The following DSCAM variants were observed in gnomAD, a reference collection of about 807,000 sequenced individuals.
DSCAM encodes DS cell adhesion molecule.
Under a neutral mutation model 217.7 loss-of-function variants are expected in DSCAM, and 47 were observed. That is an observed-to-expected ratio of 0.22 (90% confidence interval 0.17 to 0.28). The LOEUF is 0.28. Ranked by LOEUF, DSCAM falls within the 10% of genes least tolerant of loss-of-function variation. The pLI is 1.00. For synonymous variants in DSCAM, 1,056 were observed against 1,015.3 expected (o/e 1.04, Z -0.76); for missense variants, 2,080 against 2,618.3 (o/e 0.79, Z 4.49).
chr21:40,423,683 T>C (rs2075446071), intron 3 of DSCAM, among the ~76,000 whole-genome samples: 2 of 152,258 alleles, frequency 1.3e-5, no homozygotes, highest in Non-Finnish European at 2.9e-5. Context: ...TTATACCCCT[T>C]GGTCGAATTC....
intron 3 of DSCAM, among the ~76,000 whole-genome samples, chr21:40,430,244 T>C (rs757532046): frequency 6.6e-6 from 1 of 152,246 alleles, no homozygotes; most frequent in Non-Finnish European, 1.5e-5. Context: ...ACAGCTGTGA[T>C]GGTTAATACT....
intron 6 of DSCAM, among the ~76,000 whole-genome samples, chr21:40,343,808 AAAGT>A (rs2074525588): frequency 6.6e-6 from 1 of 151,314 alleles, no homozygotes; most frequent in Non-Finnish European, 1.5e-5. Context: ...ACTCTATAAT[AAAGT>A]GTTATTTTAT....
intron 3 of DSCAM, among the ~76,000 whole-genome samples, chr21:40,564,888 G>A (rs914700413): frequency 2.0e-5 from 3 of 151,990 alleles, no homozygotes; most frequent in Non-Finnish European, 4.4e-5. Context: ...CCAGCAAGGT[G>A]TGCTGTACAG....
intron 3 of DSCAM, among the ~76,000 whole-genome samples, chr21:40,406,485 C>A (rs1569107551): frequency 1.3e-5 from 2 of 152,148 alleles, no homozygotes; most frequent in Admixed American, 6.6e-5. Context: ...GAAATCGTGC[C>A]ATTTGAAACA....
rs911368001 is a variant in DSCAM, at chr21:40,282,383, C to T, written c.2183-6113G>A. 1.1e-4 allele frequency among the ~76,000 whole-genome samples: 16 copies of T among 151,606 alleles called. No homozygotes were observed. The East Asian group carries it at 1.4e-3, about 13-fold the overall frequency. ...CGGGTGGATCACGAGGTCAGGAGGT[C>T]GAGACCATCCTAGCTAACACGGTGA... On this transcript the variant is annotated intron_variant, in intron 10 of 32. Coordinates refer to ENST00000400454, the MANE Select transcript of DSCAM (RefSeq NM_001389.5).
chr21:40,766,331 GTATA>G (rs141505117), intron 1 of DSCAM, among the ~76,000 whole-genome samples: 3 of 148,220 alleles, frequency 2.0e-5, no homozygotes, highest in African/African-American at 5.1e-5. Context: ...TGGTATGTGT[GTATA>G]TATATATATA....
intron 3 of DSCAM, among the ~76,000 whole-genome samples, chr21:40,653,873 G>C (rs892029366): frequency 1.3e-5 from 2 of 152,124 alleles, no homozygotes; most frequent in Non-Finnish European, 2.9e-5. Context: ...AAGGCAGGCA[G>C]ATCATGAGGT....
chr21:40,121,591 A>G lies in DSCAM; in HGVS notation c.3696+2604T>C, dbSNP rs559847833. 4.6e-5 allele frequency among the ~76,000 whole-genome samples: 7 copies of G among 151,674 alleles called. No homozygotes were observed. In the South Asian group the frequency reaches 1.0e-3, roughly 23 times the overall value. ...TATTTCTATGTCTCTAGTCTTTTTA[A>G]TATGGTCAAAAGGCAACACAGAGAT... On this transcript the variant is annotated intron_variant, in intron 20 of 32. Transcript: ENST00000400454.
intron 4 of DSCAM, among the ~76,000 whole-genome samples, chr21:40,363,686 A>C (rs1390986697): frequency 6.6e-6 from 1 of 152,204 alleles, no homozygotes; most frequent in African/African-American, 2.4e-5. Context: ...AATGGGATCT[A>C]ATTAAACTAA....
intron 22 of DSCAM, among the ~76,000 whole-genome samples, chr21:40,086,356 A>G (rs1045453637): frequency 6.6e-6 from 1 of 152,216 alleles, no homozygotes; most frequent in Non-Finnish European, 1.5e-5. Context: ...CAGAATGCCA[A>G]CTTGACCTTG....
chr21:40,829,562 G>A (rs980106299), intron 1 of DSCAM, among the ~76,000 whole-genome samples: 3 of 152,196 alleles, frequency 2.0e-5, no homozygotes, highest in African/African-American at 7.2e-5. Flanking sequence ...ACATGGGTGA[G>A]TAGGTGTGAG....
At chr21:40,049,803 G>A (rs2088899264) in intron 30 of DSCAM, among the ~76,000 whole-genome samples, 2 of 152,134 alleles carry the variant, frequency 1.3e-5, no homozygotes, top group Admixed American at 6.5e-5. Context: ...CTGTGACTCC[G>A]GTTCATGTCT....
At chr21:40,201,320 G>A (rs755941011) in intron 11 of DSCAM, among the ~76,000 whole-genome samples, 1 of 151,634 alleles carries the variant, frequency 6.6e-6, no homozygotes, top group African/African-American at 2.4e-5. Context: ...TTAACCAAAA[G>A]ATATCAAAAA....
chr21:40,150,100 T>TA (rs1480209704), intron 16 of DSCAM, among the ~76,000 whole-genome samples: 1 of 152,178 alleles, frequency 6.6e-6, no homozygotes, highest in Admixed American at 6.5e-5. Flanking sequence ...TTTCTTTCCC[T>TA]AAAAAACCCC....
intron 3 of DSCAM, among the ~76,000 whole-genome samples, chr21:40,554,710 T>C (rs762383888): frequency 6.6e-6 from 1 of 152,230 alleles, no homozygotes; most frequent in Non-Finnish European, 1.5e-5. Flanking sequence ...TTTTTAGGTA[T>C]TCTTAGAAGA....
intron 3 of DSCAM, among the ~76,000 whole-genome samples, chr21:40,656,148 C>T (rs2090073105): frequency 6.6e-6 from 1 of 152,202 alleles, no homozygotes; most frequent in African/African-American, 2.4e-5. Flanking sequence ...AGTCCTATCA[C>T]ATTGGGTTTT....
intron 30 of DSCAM, among the ~76,000 whole-genome samples, chr21:40,049,748 G>A (rs1299628032): frequency 1.3e-5 from 2 of 152,148 alleles, no homozygotes; most frequent in African/African-American, 4.8e-5. Flanking sequence ...TCCCTCCCAT[G>A]TGCGTCCTGC....
At chr21:40,656,239 C>CT (rs1341533399) in intron 3 of DSCAM, among the ~76,000 whole-genome samples, 24 of 152,164 alleles carry the variant, frequency 1.6e-4, no homozygotes, top group Non-Finnish European at 2.8e-4. Context: ...TTTCTACCCC[C>CT]TTTTGAAGGC....
chr21:40,058,010 G>A (rs1051169370), intron 28 of DSCAM, among the ~76,000 whole-genome samples: 8 of 151,738 alleles, frequency 5.3e-5, no homozygotes, highest in African/African-American at 7.3e-5. Context: ...CGAGTAGCTG[G>A]GACTACAGGT....
Sources: gnomAD v4.1 joint callset for allele counts (sites outside exome capture counted in the v4.1 genomes callset) on GRCh38, gnomAD v4.1.1 for gene constraint, MANE v1.5 for transcripts, NCBI Gene and HGNC (gene_info 2026-07-23, HGNC 2026-07-21) for gene names.